PAPPA: variants seen among roughly 807,000 people sequenced by gnomAD.
PAPPA encodes the protein pappalysin-1.
In PAPPA, 60 loss-of-function variants were observed where a neutral mutation model predicts 164.0. The observed-to-expected ratio is 0.37, with a 90% CI of 0.30 to 0.45. PAPPA has a LOEUF of 0.45. Ranked by LOEUF, PAPPA falls within the 20% of genes least tolerant of loss-of-function variation. PAPPA has a pLI of 1.00. For missense variants in PAPPA, 1,782 were observed against 2,087.3 expected, an observed-to-expected ratio of 0.85 and a Z score of 2.85; for synonymous variants, 875 against 814.1, an observed-to-expected ratio of 1.07 and a Z score of -1.27.
chr9:116,188,509 G>A (rs542355147), intron 2 of PAPPA, among the ~76,000 whole-genome samples: 1 of 152,280 alleles, frequency 6.6e-6, no homozygotes, highest in South Asian at 2.1e-4. Context: ...AGTACAAATA[G>A]CTGTTGTATT....
chr9:116,367,868 T>TAATC lies in PAPPA; in HGVS notation c.4605+116_4605+119dup, dbSNP rs1160637591. The TAATC allele has an allele frequency of 1.0e-4, 76 of 734,644 alleles. No individual in the cohort carries two copies. The East Asian group carries it at 2.1e-3, about 20-fold the overall frequency. 45.5% of individuals were successfully genotyped at this position (734,644 alleles called of 1,614,324 possible). On this transcript the variant is annotated intron_variant, in intron 19 of 21. Transcript: ENST00000328252. ...ATTCTTTCACACATATTACCTCATTTAATCATCACACCTGCCCTGTGGGTG... is the reference window on the plus strand; with the variant it reads ...ATTCTTTCACACATATTACCTCATTTAATCAATCATCACACCTGCCCTGTGGGTG...
chr9:116,213,026 C>A (rs78126727), intron 4 of PAPPA, among the ~76,000 whole-genome samples: 173 of 152,228 alleles, frequency 1.1e-3, no homozygotes, highest in Middle Eastern at 6.8e-3. Context: ...TCTTGTATTT[C>A]TTCTAAAGAG....
At chr9:116,359,303 A>G (rs1437611269) in intron 17 of PAPPA, among the ~76,000 whole-genome samples, 1 of 152,232 alleles carries the variant, frequency 6.6e-6, no homozygotes, top group African/African-American at 2.4e-5. Flanking sequence ...ATATTATTAT[A>G]TGCCTTCAGC....
At chr9:116,375,986 G>A (rs576925600) in intron 19 of PAPPA, among the ~76,000 whole-genome samples, 1 of 151,222 alleles carries the variant, frequency 6.6e-6, no homozygotes, top group African/African-American at 2.4e-5. Flanking sequence ...TGAAAACTGG[G>A]GCATCCATGG....
chr9:116,398,779 T>TATC lies in PAPPA; in HGVS notation c.*2164_*2166dup, dbSNP rs776012820. On this transcript the variant is annotated 3_prime_UTR_variant, in exon 22 of 22. Coordinates refer to ENST00000328252, the MANE Select transcript of PAPPA (RefSeq NM_002581.5). ...TCTATGTTTCTTCCTCACAAAACCATATCTCATTTATATCCAGACCATTAC... is the reference window on the plus strand; with the variant it reads ...TCTATGTTTCTTCCTCACAAAACCATATCATCTCATTTATATCCAGACCATTAC... The TATC allele has an allele frequency of 8.0e-5, 35 of 439,010 alleles. No individual in the cohort carries two copies. Among genetic ancestry groups the TATC allele is most frequent in the African/African-American group, 4.9e-4 (24 of 49,424 alleles). 27.2% of individuals were successfully genotyped at this position (439,010 alleles called of 1,614,324 possible).
intron 21 of PAPPA, among the ~76,000 whole-genome samples, chr9:116,395,360 G>C (rs544850968): frequency 1.3e-5 from 2 of 152,318 alleles, no homozygotes; most frequent in East Asian, 3.9e-4. Context: ...ACAAGTACAT[G>C]AGAGAGAAGG....
chr9:116,287,867 T>C (rs149335829), intron 9 of PAPPA, among the ~76,000 whole-genome samples: 130 of 152,320 alleles, frequency 8.5e-4, no homozygotes, highest in African/African-American at 3.0e-3. Flanking sequence ...CTCTGGCCTC[T>C]AGCTTGGAAT....
chr9:116,243,611 T>G (rs1285072052), intron 7 of PAPPA, among the ~76,000 whole-genome samples: 1 of 152,168 alleles, frequency 6.6e-6, no homozygotes, highest in East Asian at 1.9e-4. Context: ...TCATAATGAC[T>G]GACAAAGGAC....
chr9:116,218,356 G>C (rs1844401817), intron 4 of PAPPA, among the ~76,000 whole-genome samples: 1 of 152,204 alleles, frequency 6.6e-6, no homozygotes, highest in Admixed American at 6.5e-5. Flanking sequence ...GAAGAAACCA[G>C]TATATGCTGC....
At chr9:116,392,338 C>T (rs1846904494) in intron 21 of PAPPA, among the ~76,000 whole-genome samples, 1 of 152,158 alleles carries the variant, frequency 6.6e-6, no homozygotes, top group South Asian at 2.1e-4. Flanking sequence ...CCTGCATCAC[C>T]AACTCACTGA....
In PAPPA at chr9:116,220,848, G is replaced by A. The variant is rs184858833; in HGVS notation, c.2111+719G>A. Among the ~76,000 whole-genome samples the A allele has an allele frequency of 7.9e-5, 12 of 151,442 alleles. No individual in the cohort carries two copies. In the East Asian group the frequency reaches 1.7e-3, roughly 22 times the overall value. ...TGCAGTGAGCCGAGATGGCACCACC[G>A]CATCTCAGCCTGGGCAACAGAGCGA... On this transcript the variant is annotated intron_variant, in intron 5 of 21. Coordinates refer to ENST00000328252, the MANE Select transcript of PAPPA (RefSeq NM_002581.5).
chr9:116,383,335 A>G (rs1471825451), intron 21 of PAPPA, among the ~76,000 whole-genome samples: 1 of 152,222 alleles, frequency 6.6e-6, no homozygotes, highest in Non-Finnish European at 1.5e-5. Flanking sequence ...ATCTGCAGTC[A>G]GAGCTGAAAG....
At chr9:116,343,559 A>T (rs1447702729) in intron 13 of PAPPA, among the ~76,000 whole-genome samples, 3 of 152,136 alleles carry the variant, frequency 2.0e-5, no homozygotes, top group African/African-American at 7.2e-5. Context: ...GTACAACTCC[A>T]CTAATGATGT....
chr9:116,335,054 C>T lies in PAPPA; in HGVS notation c.3591C>T (p.Thr1197=), dbSNP rs1422458556. 6.2e-7 allele frequency: 1 copy of T among 1,613,204 alleles called. No individual in the cohort carries two copies. The highest frequency in any genetic ancestry group is 8.5e-7 in the Non-Finnish European group (1 of 1,179,916). Residue 1197 remains threonine, a synonymous_variant, in exon 13 of 22, where the codon ACC becomes ACT. Transcript: ENST00000328252. ...TGAGCAGCTGCCAGAGAGGGGAGAC[C>T]TACAGCCCTGCCGAGCAGAGGTAAG... is the stretch of plus-strand genomic sequence containing the variant. ...VTLSSCQRGE[T]YSPAEQSCVH... is the part of the protein sequence containing the mutation.
intron 20 of PAPPA, among the ~76,000 whole-genome samples, chr9:116,377,946 A>G (rs771238509): frequency 1.3e-5 from 2 of 151,944 alleles, no homozygotes; most frequent in Non-Finnish European, 2.9e-5. Flanking sequence ...GTAAGAAAGG[A>G]AGGGCAGGGG....
At chr9:116,376,040 G>C (rs370570389) in intron 19 of PAPPA, among the ~76,000 whole-genome samples, 30 of 55,884 alleles carry the variant, frequency 5.4e-4, no homozygotes, top group African/African-American at 1.9e-3. Flanking sequence ...TTTTTTTTTT[G>C]AGACGGAGTC....
chr9:116,332,496 G>A, intron 12 of PAPPA, 28 bp downstream of exon 12: 2 of 1,592,696 alleles, frequency 1.3e-6, no homozygotes, highest in East Asian at 4.5e-5. Flanking sequence ...GTCTTGGCTT[G>A]CTTTCAGTAC....
chr9:116,288,947 TTGGGGTAACTGGC>T (rs968253303), intron 9 of PAPPA: 3 of 151,498 alleles, frequency 2.0e-5, no homozygotes, highest in African/African-American at 7.3e-5. Flanking sequence ...CTATGCCAGA[TTGGGGTAACTGGC>T]TTGGTTTTCA....
At position 116,332,626 on chromosome 9, in the gene PAPPA, T is replaced by C. The variant is rs146379140; in HGVS notation, c.3397+158T>C. 151 of 648,592 alleles carry C rather than the reference T, an allele frequency of 2.3e-4. No individual in the cohort carries two copies. The African/African-American group carries it at 2.5e-3, about 11-fold the overall frequency. 40.2% of individuals were successfully genotyped at this position (648,592 alleles called of 1,614,324 possible). ...CATTCTGGTTGCCCTCAAATCAAGA[T>C]GTGGTTATGTATCCAGAGAAATCAA... On this transcript the variant is annotated intron_variant, in intron 12 of 21. Coordinates refer to ENST00000328252, the MANE Select transcript of PAPPA (RefSeq NM_002581.5).
Sources: allele counts gnomAD v4.1 joint callset (sites outside exome capture counted in the v4.1 genomes callset), GRCh38; gene constraint gnomAD v4.1.1; transcripts MANE v1.5; gene names NCBI Gene and HGNC (gene_info 2026-07-23, HGNC 2026-07-21).